OR56A1: variants seen among roughly 807,000 people sequenced by gnomAD.
OR56A1 encodes olfactory receptor 56A1.
For missense variants in OR56A1, 360 were observed against 380.9 expected (o/e 0.94, Z 0.46); for synonymous variants, 174 against 159.1 (o/e 1.09, Z -0.70).
Position 6,025,840 on chromosome 11 carries a change from T to A in OR56A1, c.*908A>T, listed in dbSNP as rs945400157. 6.6e-6 allele frequency: 1 copy of A among 152,234 alleles called. No individual in the cohort carries two copies. Among genetic ancestry groups the A allele is most frequent in the Non-Finnish European group, 1.5e-5 (1 of 68,050 alleles). The allele number at this position is 152,234 out of a possible 1,614,324, so 9.4% of individuals were successfully genotyped here. On this transcript the variant is annotated 3_prime_UTR_variant, in exon 2 of 2. Transcript: ENST00000641900. ...TGTCTCCAATACCCACTTAAACAAT[T>A]GTTTACATTAAATTATCTGTAAATA... is the stretch of plus-strand genomic sequence containing the variant.
Position 6,023,589 on chromosome 11 carries a change from G to A in OR56A1, c.*3159C>T, listed in dbSNP as rs1392016169. 1 of 152,116 alleles carries A rather than the reference G, an allele frequency of 6.6e-6. No individual in the cohort carries two copies. Among genetic ancestry groups the A allele is most frequent in the Non-Finnish European group, 1.5e-5 (1 of 68,024 alleles). The allele number at this position is 152,116 out of a possible 1,614,324, so 9.4% of individuals were successfully genotyped here. On this transcript the variant is annotated 3_prime_UTR_variant, in exon 2 of 2. Transcript: ENST00000641900. The stretch of plus-strand genomic sequence containing the variant: ...CAAATATGACTAACCTGCAAACCAG[G>A]GAGTGAGGGGAGTGACCTTTGGAAA...
intron 1 of OR56A1, among the ~76,000 whole-genome samples, chr11:6,028,619 A>G (rs185008878): frequency 1.3e-5 from 2 of 152,306 alleles, no homozygotes; most frequent in African/African-American, 2.4e-5. Flanking sequence ...ATTATCAAAA[A>G]TACAAAAAAT....
chr11:6,019,877 C>A lies in OR56A1; in HGVS notation c.*6871G>T, dbSNP rs1415164023. ...TCTGTGAATTCAAGTAAAAATGAGACCTTGATCCCTCTCTTGGCTCTATCC... is the reference window on the plus strand; with the variant it reads ...TCTGTGAATTCAAGTAAAAATGAGAACTTGATCCCTCTCTTGGCTCTATCC... On this transcript the variant is annotated 3_prime_UTR_variant, in exon 2 of 2. Coordinates refer to ENST00000641900, the MANE Select transcript of OR56A1 (RefSeq NM_001388488.1). 1 of 152,074 alleles carries A rather than the reference C, an allele frequency of 6.6e-6. No individual in the cohort carries two copies. Among genetic ancestry groups the A allele is most frequent in the Non-Finnish European group, 1.5e-5 (1 of 67,984 alleles). 9.4% of individuals were successfully genotyped at this position (152,074 alleles called of 1,614,324 possible).
At chr11:6,030,057 C>A (rs1590490193) in intron 1 of OR56A1, among the ~76,000 whole-genome samples, 1 of 152,268 alleles carries the variant, frequency 6.6e-6, no homozygotes, top group Admixed American at 6.5e-5. Flanking sequence ...TTATTCTACC[C>A]ATTGAAAATG....
chr11:6,019,526 G>C lies in OR56A1; in HGVS notation c.*7222C>G, dbSNP rs1047650603. ...GCCTCACAATCATGGCAGAAGACAAGAAGGAGCAACTTACATCTTGCATGG... is the reference window on the plus strand; with the variant it reads ...GCCTCACAATCATGGCAGAAGACAACAAGGAGCAACTTACATCTTGCATGG... On this transcript the variant is annotated 3_prime_UTR_variant, in exon 2 of 2. Transcript: ENST00000641900. The C allele has an allele frequency of 2.6e-5, 4 of 152,344 alleles. No individual in the cohort carries two copies. Among genetic ancestry groups the C allele is most frequent in the African/African-American group, 9.6e-5 (4 of 41,554 alleles). The allele number at this position is 152,344 out of a possible 1,614,324, so 9.4% of individuals were successfully genotyped here.
chr11:6,023,083 C>T lies in OR56A1; in HGVS notation c.*3665G>A, dbSNP rs917377235. ...GCAGGAAGTACAGGAGTTTTCTAAACGGACTTGTCACGTTCTCTTTCAAAC... is the reference window on the plus strand; with the variant it reads ...GCAGGAAGTACAGGAGTTTTCTAAATGGACTTGTCACGTTCTCTTTCAAAC... On this transcript the variant is annotated 3_prime_UTR_variant, in exon 2 of 2. Transcript: ENST00000641900. 7 of 152,156 alleles carry T rather than the reference C, an allele frequency of 4.6e-5. No homozygotes were observed. In the East Asian group the frequency reaches 7.7e-4, roughly 17 times the overall value. The allele number at this position is 152,156 out of a possible 1,614,324, so 9.4% of individuals were successfully genotyped here. A position where few individuals can be genotyped will look rare whatever the true frequency, so the allele number is the denominator to read the frequency against.
At position 6,025,010 on chromosome 11, in the gene OR56A1, G is replaced by C. The variant is rs1001238625; in HGVS notation, c.*1738C>G. Reference sequence around the variant, plus strand: ...GAGCCCACACCAGCATTGGGTTACAGTTACTTTATCTAATCCCCACAATGT... The same window carrying C: ...GAGCCCACACCAGCATTGGGTTACACTTACTTTATCTAATCCCCACAATGT... On this transcript the variant is annotated 3_prime_UTR_variant, in exon 2 of 2. Transcript: ENST00000641900. 6.6e-6 allele frequency: 1 copy of C among 152,198 alleles called. No homozygotes were observed. Among genetic ancestry groups the C allele is most frequent in the Admixed American group, 6.5e-5 (1 of 15,274 alleles). 9.4% of individuals were successfully genotyped at this position (152,198 alleles called of 1,614,324 possible). A position where few individuals can be genotyped will look rare whatever the true frequency, so the allele number is the denominator to read the frequency against.
At position 6,021,158 on chromosome 11, in the gene OR56A1, A is replaced by C. The variant is rs1848391816; in HGVS notation, c.*5590T>G. The C allele has an allele frequency of 6.6e-6, 1 of 152,094 alleles. No homozygotes were observed. The allele number at this position is 152,094 out of a possible 1,614,324, so 9.4% of individuals were successfully genotyped here. On this transcript the variant is annotated 3_prime_UTR_variant, in exon 2 of 2. Transcript: ENST00000641900. ...AAATCCTTTGAGTGTGATCACTAGCACATTGAACTGACCTGATACAGATAG... is the reference window on the plus strand; with the variant it reads ...AAATCCTTTGAGTGTGATCACTAGCCCATTGAACTGACCTGATACAGATAG...
At chr11:6,029,591 G>C (rs1336010839) in intron 1 of OR56A1, among the ~76,000 whole-genome samples, 1 of 152,036 alleles carries the variant, frequency 6.6e-6, no homozygotes, top group East Asian at 1.9e-4. Flanking sequence ...GTTAAATCTT[G>C]TTGAAACAGT....
Position 6,027,723 on chromosome 11 carries a change from A to C in OR56A1, c.-31T>G. 6.7e-7 allele frequency: 1 copy of C among 1,503,104 alleles called. No homozygotes were observed. Among genetic ancestry groups the C allele is most frequent in the East Asian group, 2.3e-5 (1 of 44,104 alleles). 93.1% of individuals were successfully genotyped at this position (1,503,104 alleles called of 1,614,324 possible). On this transcript the variant is annotated 5_prime_UTR_variant, in exon 2 of 2. Coordinates refer to ENST00000641900, the MANE Select transcript of OR56A1 (RefSeq NM_001388488.1). ...GAATCATGAGCTGAGTAGGCTTCTG[A>C]TGACTATGTTTATGGGCAGATACAA... is the stretch of plus-strand genomic sequence containing the variant.
rs1019061559 is a variant in OR56A1, at chr11:6,021,668, G to A, written c.*5080C>T. ...TTAGGATAATGGGAACATTAATAAA[G>A]GCACATTTAGGATAATGGGAACATT... is the stretch of plus-strand genomic sequence containing the variant. On this transcript the variant is annotated 3_prime_UTR_variant, in exon 2 of 2. Coordinates refer to ENST00000641900, the MANE Select transcript of OR56A1 (RefSeq NM_001388488.1). 2.0e-5 allele frequency: 3 copies of A among 151,580 alleles called. No individual in the cohort carries two copies. The highest frequency in any genetic ancestry group is 3.4e-3 in the Middle Eastern group (1 of 294). The allele number at this position is 151,580 out of a possible 1,614,324, so 9.4% of individuals were successfully genotyped here.
At position 6,024,355 on chromosome 11, in the gene OR56A1, C is replaced by G. The variant is rs1178712125; in HGVS notation, c.*2393G>C. 1.3e-5 allele frequency: 2 copies of G among 152,134 alleles called. No individual in the cohort carries two copies. Among genetic ancestry groups the G allele is most frequent in the African/African-American group, 4.8e-5 (2 of 41,416 alleles). 9.4% of individuals were successfully genotyped at this position (152,134 alleles called of 1,614,324 possible). A position where few individuals can be genotyped will look rare whatever the true frequency, so the allele number is the denominator to read the frequency against. ...GTCAAGCATCTCATAATTGTGTTGG[C>G]CATTTGCATTGATCTACAGAAGTCT... is the stretch of plus-strand genomic sequence containing the variant. On this transcript the variant is annotated 3_prime_UTR_variant, in exon 2 of 2. Transcript: ENST00000641900.
At chr11:6,034,220 T>C (rs4408290), upstream of OR56A1, 82,509 of 152,132 alleles carry the variant, frequency 0.54, 23,148 homozygotes, top group East Asian at 0.95. Flanking sequence ...CGTATCCTCC[T>C]GGTCACTCTT....
In OR56A1 at chr11:6,021,499, G is replaced by A. The variant is rs978024824; in HGVS notation, c.*5249C>T. 3 of 151,854 alleles carry A rather than the reference G, an allele frequency of 2.0e-5. No individual in the cohort carries two copies. Among genetic ancestry groups the A allele is most frequent in the Admixed American group, 2.0e-4 (3 of 15,244 alleles). The allele number at this position is 151,854 out of a possible 1,614,324, so 9.4% of individuals were successfully genotyped here. A position where few individuals can be genotyped will look rare whatever the true frequency, so the allele number is the denominator to read the frequency against. ...ACGTTGTATGTAACTTCATAAATAT[G>A]TATAATTATTATGTATCAATTTTAA... On this transcript the variant is annotated 3_prime_UTR_variant, in exon 2 of 2. Transcript: ENST00000641900.
At position 6,022,240 on chromosome 11, in the gene OR56A1, C is replaced by T. The variant is rs11822152; in HGVS notation, c.*4508G>A. 2,178 of 152,132 alleles carry T rather than the reference C, an allele frequency of 0.014. 55 individuals are homozygous for T. Among genetic ancestry groups the T allele is most frequent in the African/African-American group, 0.05 (2,069 of 41,498 alleles). 9.4% of individuals were successfully genotyped at this position (152,132 alleles called of 1,614,324 possible). The stretch of plus-strand genomic sequence containing the variant: ...TTTGGGGCCCTAAAGCTTACAAAAT[C>T]CTGCATATTCTTTCTCTTTCTGGCT... On this transcript the variant is annotated 3_prime_UTR_variant, in exon 2 of 2. Transcript: ENST00000641900.
chr11:6,023,498 T>C lies in OR56A1; in HGVS notation c.*3250A>G, dbSNP rs1021985228. ...TCCACTGGCCTTGATTTAAGTCAGC[T>C]ATGGTATTGAATAGCAATGTGCAAT... On this transcript the variant is annotated 3_prime_UTR_variant, in exon 2 of 2. Transcript: ENST00000641900. 1 of 152,160 alleles carries C rather than the reference T, an allele frequency of 6.6e-6. No individual in the cohort carries two copies. Among genetic ancestry groups the C allele is most frequent in the Non-Finnish European group, 1.5e-5 (1 of 68,018 alleles). 9.4% of individuals were successfully genotyped at this position (152,160 alleles called of 1,614,324 possible). A position where few individuals can be genotyped will look rare whatever the true frequency, so the allele number is the denominator to read the frequency against.
rs1022326583 is a variant in OR56A1, at chr11:6,021,476, G to A, written c.*5272C>T. The A allele has an allele frequency of 2.6e-5, 4 of 151,968 alleles. No individual in the cohort carries two copies. The highest frequency in any genetic ancestry group is 1.9e-4 in the East Asian group (1 of 5,196). The allele number at this position is 151,968 out of a possible 1,614,324, so 9.4% of individuals were successfully genotyped here. A position where few individuals can be genotyped will look rare whatever the true frequency, so the allele number is the denominator to read the frequency against. On this transcript the variant is annotated 3_prime_UTR_variant, in exon 2 of 2. Coordinates refer to ENST00000641900, the MANE Select transcript of OR56A1 (RefSeq NM_001388488.1). ...AATTACCCTGATCTGCTCACTACACGTTGTATGTAACTTCATAAATATGTA... is the reference window on the plus strand; with the variant it reads ...AATTACCCTGATCTGCTCACTACACATTGTATGTAACTTCATAAATATGTA...
chr11:6,023,990 T>A lies in OR56A1; in HGVS notation c.*2758A>T, dbSNP rs1160735288. ...AGTTATTTTACCACTTGCAGTGAGCTTGACAATTTTGTGAGAAATCTGTGG... is the reference window on the plus strand; with the variant it reads ...AGTTATTTTACCACTTGCAGTGAGCATGACAATTTTGTGAGAAATCTGTGG... On this transcript the variant is annotated 3_prime_UTR_variant, in exon 2 of 2. Coordinates refer to ENST00000641900, the MANE Select transcript of OR56A1 (RefSeq NM_001388488.1). 1 of 152,236 alleles carries A rather than the reference T, an allele frequency of 6.6e-6. No homozygotes were observed. Among genetic ancestry groups the A allele is most frequent in the Non-Finnish European group, 1.5e-5 (1 of 68,038 alleles). The allele number at this position is 152,236 out of a possible 1,614,324, so 9.4% of individuals were successfully genotyped here.
Position 6,020,176 on chromosome 11 carries a change from T to C in OR56A1, c.*6572A>G. On this transcript the variant is annotated 3_prime_UTR_variant, in exon 2 of 2. Coordinates refer to ENST00000641900, the MANE Select transcript of OR56A1 (RefSeq NM_001388488.1). ...ACTCAAAAGCTAAGCAGAAAATACA[T>C]TGTTTCCAATCAAATACCAGGATCT... The C allele has an allele frequency of 6.6e-6, 1 of 152,014 alleles. No individual in the cohort carries two copies. Among genetic ancestry groups the C allele is most frequent in the East Asian group, 1.9e-4 (1 of 5,194 alleles). The allele number at this position is 152,014 out of a possible 1,614,324, so 9.4% of individuals were successfully genotyped here.
Sources: allele counts gnomAD v4.1 joint callset (sites outside exome capture counted in the v4.1 genomes callset), GRCh38; gene constraint gnomAD v4.1.1; transcripts MANE v1.5; gene names NCBI Gene and HGNC (gene_info 2026-07-23, HGNC 2026-07-21).